Variants in IP6K2 observed in about 807,000 individuals in gnomAD.
IP6K2 encodes the protein inositol hexakisphosphate kinase 2.
A neutral mutation model predicts 43.3 loss-of-function variants in IP6K2; 9 were observed. The ratio of observed to expected loss-of-function variants is 0.21; its 90% CI spans 0.13 to 0.36. The LOEUF is 0.36. Ranked by LOEUF, IP6K2 falls within the 10% of genes least tolerant of loss-of-function variation. The probability of loss-of-function intolerance (pLI) is 1.00; values close to 1 mark genes in which losing one functional copy is unlikely to be tolerated. For synonymous variants in IP6K2, 209 were observed against 202.4 expected, an observed-to-expected ratio of 1.03 and a Z score of -0.28; for missense variants, 332 against 538.4, an observed-to-expected ratio of 0.62 and a Z score of 3.79.
intron 2 of IP6K2, chr3:48,693,982 G>GATTGGA: frequency 1.4e-6 from 2 of 1,381,742 alleles, no homozygotes; most frequent in Non-Finnish European, 1.9e-6. Flanking sequence ...GTGCCGACGA[G>GATTGGA]CGCCTTACAA....
At chr3:48,712,086 G>A (rs1414994100) in intron 1 of IP6K2, among the ~76,000 whole-genome samples, 3 of 152,052 alleles carry the variant, frequency 2.0e-5, no homozygotes, top group Admixed American at 6.6e-5. Flanking sequence ...TGCAGCCTCA[G>A]CAATACCATG....
chr3:48,704,607 A>G (rs2079477791), intron 1 of IP6K2, among the ~76,000 whole-genome samples: 1 of 151,738 alleles, frequency 6.6e-6, no homozygotes, highest in Non-Finnish European at 1.5e-5. Context: ...TTGCTGGGAC[A>G]GCTATAGGCA....
chr3:48,693,409 G>A (rs956742216), intron 2 of IP6K2: 2 of 1,255,372 alleles, frequency 1.6e-6, no homozygotes, highest in South Asian at 1.3e-5. Flanking sequence ...CCTCTCTGAT[G>A]TACTCAACGA....
chr3:48,700,675 T>C (rs1434153604), intron 1 of IP6K2, among the ~76,000 whole-genome samples: 2 of 152,196 alleles, frequency 1.3e-5, no homozygotes, highest in African/African-American at 4.8e-5. Context: ...TTTAAAGTAA[T>C]GCAAATAAAA....
At position 48,695,233 on chromosome 3, in the gene IP6K2, T is replaced by TC; in HGVS notation, c.58dup (p.Glu20GlyfsTer18). On this transcript the variant is annotated frameshift_variant, in exon 2 of 6. Coordinates refer to ENST00000328631, the MANE Select transcript of IP6K2 (RefSeq NM_016291.4). LOFTEE classifies it high-confidence loss of function. This position sits in a 1 kb window ranked among gnomAD's most constrained non-coding sequence, Gnocchi z 4.6. ...CCCCCCGACCTGGTGGACAAAGGGC[T>TC]CCAGAAGGACGCCTTTGGCGCGGGG... 6.3e-7 allele frequency: 1 copy of TC among 1,577,672 alleles called. No homozygotes were observed. The highest frequency in any genetic ancestry group is 8.7e-7 in the Non-Finnish European group (1 of 1,155,912).
At chr3:48,713,251 G>C (rs1236725852) in intron 1 of IP6K2, among the ~76,000 whole-genome samples, 1 of 152,232 alleles carries the variant, frequency 6.6e-6, no homozygotes, top group Non-Finnish European at 1.5e-5. Context: ...TCATTTGAGT[G>C]TGCAGCTTCA....
intron 1 of IP6K2, among the ~76,000 whole-genome samples, chr3:48,705,472 A>T (rs1249644564): frequency 1.3e-5 from 2 of 151,980 alleles, no homozygotes; most frequent in African/African-American, 4.8e-5. Context: ...AGGTCAAGAG[A>T]TCGAGACCAG....
At chr3:48,709,320 T>C (rs1289020324) in intron 1 of IP6K2, among the ~76,000 whole-genome samples, 1 of 152,246 alleles carries the variant, frequency 6.6e-6, no homozygotes, top group Admixed American at 6.5e-5. Context: ...GTGTACCCTA[T>C]GCAGCACTAG....
chr3:48,688,839 G>T lies in IP6K2; in HGVS notation c.781-66C>A, dbSNP rs2077536149. 2.0e-6 allele frequency: 3 copies of T among 1,516,706 alleles called. No homozygotes were observed. The highest frequency in any genetic ancestry group is 2.7e-6 in the Non-Finnish European group (3 of 1,130,304). 94.0% of individuals were successfully genotyped at this position (1,516,706 alleles called of 1,614,324 possible). The stretch of plus-strand genomic sequence containing the variant: ...CTCAAACCCTGGACCCCGGGCGGGG[G>T]TGGGGTGGTGTGGTGGTGGCGGCAT... On this transcript the variant is annotated intron_variant, in intron 5 of 5. Transcript: ENST00000328631. The surrounding 1 kb of genome is among the most constrained non-coding windows in gnomAD (Gnocchi z 5.1).
chr3:48,695,317 TG>T lies in IP6K2; in HGVS notation c.-27del. Reference sequence around the variant, plus strand: ...CCTCCGGGCGCAGATGGCGGGGAGATGGGGGAGGCAGCGGAGTCCAGCGGCC... The same window carrying T: ...CCTCCGGGCGCAGATGGCGGGGAGATGGGGAGGCAGCGGAGTCCAGCGGCC... On this transcript the variant is annotated 5_prime_UTR_variant, in exon 2 of 6. Coordinates refer to ENST00000328631, the MANE Select transcript of IP6K2 (RefSeq NM_016291.4). The surrounding 1 kb of genome is among the most constrained non-coding windows in gnomAD (Gnocchi z 4.6). The T allele has an allele frequency of 1.3e-6, 2 of 1,597,408 alleles. No individual in the cohort carries two copies. Among genetic ancestry groups the T allele is most frequent in the East Asian group, 2.2e-5 (1 of 44,572 alleles).
intron 1 of IP6K2, among the ~76,000 whole-genome samples, chr3:48,711,845 G>A (rs2080551125): frequency 6.6e-6 from 1 of 152,026 alleles, no homozygotes; most frequent in South Asian, 2.1e-4. Flanking sequence ...TGAGTAACTA[G>A]GCAAGTTCTC....
chr3:48,713,477 A>G (rs1041094452), intron 1 of IP6K2, among the ~76,000 whole-genome samples: 3 of 152,238 alleles, frequency 2.0e-5, no homozygotes, highest in Non-Finnish European at 4.4e-5. Context: ...CCAGGTTCCA[A>G]CTGGGCACAT....
At chr3:48,694,608 T>C (rs887541445) in intron 2 of IP6K2, 1 of 1,521,540 alleles carries the variant, frequency 6.6e-7, no homozygotes, top group South Asian at 1.3e-5. Flanking sequence ...TTTGGGGACA[T>C]TCTGTAACAG....
chr3:48,711,439 G>A (rs2080503448), intron 1 of IP6K2: 1 of 152,194 alleles, frequency 6.6e-6, no homozygotes, highest in East Asian at 1.9e-4. Context: ...AATCTACGAA[G>A]GGCAGAGGCA....
At chr3:48,694,963 G>C (rs746532621) in intron 2 of IP6K2, 127 bp downstream of exon 2, 2 of 1,587,896 alleles carry the variant, frequency 1.3e-6, no homozygotes, top group South Asian at 2.3e-5. Flanking sequence ...GGAGAAGGAG[G>C]AGAGGGAGGG....
intron 1 of IP6K2, among the ~76,000 whole-genome samples, chr3:48,713,681 G>A (rs2080818324): frequency 6.6e-6 from 1 of 152,102 alleles, no homozygotes; most frequent in African/African-American, 2.4e-5. Flanking sequence ...TAATTAGCCG[G>A]GCGTGGTGCC....
intron 1 of IP6K2, among the ~76,000 whole-genome samples, chr3:48,716,273 A>G (rs534616729): frequency 6.6e-6 from 1 of 152,374 alleles, no homozygotes; most frequent in East Asian, 1.9e-4. Flanking sequence ...ACCACGTTCC[A>G]AAGTGCCAGT....
intron 2 of IP6K2, chr3:48,693,713 A>G: frequency 1.9e-6 from 2 of 1,052,286 alleles, no homozygotes; most frequent in Non-Finnish European, 2.3e-6. Context: ...AGCACAAGAC[A>G]CCCTAGCAAA....
intron 2 of IP6K2, chr3:48,694,769 T>C: frequency 5.9e-6 from 9 of 1,529,176 alleles, no homozygotes; most frequent in Non-Finnish European, 7.9e-6. Context: ...CCTCCCAAAG[T>C]CTTCCCCCAC....
Sources: allele counts gnomAD v4.1 joint callset (sites outside exome capture counted in the v4.1 genomes callset), GRCh38; gene constraint gnomAD v4.1.1; non-coding constraint Gnocchi (gnomAD v3.1); transcripts MANE v1.5; gene names NCBI Gene and HGNC (gene_info 2026-07-23, HGNC 2026-07-21).